Variants in CDK6 observed in about 807,000 individuals in gnomAD.
CDK6 encodes the protein cyclin-dependent kinase 6.
In CDK6, 6 loss-of-function variants were observed where a neutral mutation model predicts 37.1. The ratio of observed to expected loss-of-function variants is 0.16; its 90% confidence interval spans 0.09 to 0.32. The LOEUF (loss-of-function observed/expected upper bound fraction) is 0.32, where lower values mean the gene tolerates loss of function less well. CDK6 is among the 10% of genes least tolerant of loss of function. CDK6 has a pLI of 1.00. For synonymous variants in CDK6, 160 were observed against 161.3 expected (o/e 0.99, Z 0.06); for missense variants, 224 against 418.9 (o/e 0.53, Z 4.06).
rs1800941429 is a variant in CDK6, at chr7:92,813,440, G to T, written c.233+19651C>A. Among the ~76,000 whole-genome samples the T allele has an allele frequency of 2.6e-5, 4 of 152,116 alleles. No individual in the cohort carries two copies. The South Asian group carries it at 8.3e-4, about 32-fold the overall frequency. ...AATGAGTACATTCCCAACTCCTACT[G>T]CCAAGTTAAAATGAAAACGTTCTCA... On this transcript the variant is annotated intron_variant, in intron 2 of 7. Coordinates refer to ENST00000424848, the MANE Select transcript of CDK6 (RefSeq NM_001145306.2).
intron 2 of CDK6, among the ~76,000 whole-genome samples, chr7:92,830,349 A>G (rs980675323): frequency 6.6e-6 from 1 of 152,216 alleles, no homozygotes; most frequent in African/African-American, 2.4e-5. Context: ...GAAAAAACTA[A>G]TATGTTTATT....
intron 5 of CDK6, among the ~76,000 whole-genome samples, chr7:92,635,370 C>T (rs996903870): frequency 6.6e-6 from 1 of 152,150 alleles, no homozygotes; most frequent in Non-Finnish European, 1.5e-5. Context: ...AGATCCAGCT[C>T]TTAGTGCTGG....
chr7:92,824,270 C>CA (rs1315187822), intron 2 of CDK6, among the ~76,000 whole-genome samples: 1 of 151,902 alleles, frequency 6.6e-6, no homozygotes, highest in Admixed American at 6.6e-5. Context: ...ATAAGTCAGT[C>CA]ACGCCATAGG....
At chr7:92,663,950 A>C (rs527900060) in intron 5 of CDK6, among the ~76,000 whole-genome samples, 124 of 151,772 alleles carry the variant, frequency 8.2e-4, no homozygotes, top group African/African-American at 2.7e-3. Flanking sequence ...TCAGGAGATC[A>C]AGACCACGGT....
At chr7:92,758,368 A>G (rs1489635064) in intron 3 of CDK6, among the ~76,000 whole-genome samples, 1 of 152,178 alleles carries the variant, frequency 6.6e-6, no homozygotes, top group East Asian at 1.9e-4. Context: ...CAGTTATTCC[A>G]GCACCCTTTA....
At chr7:92,757,982 T>G (rs1247879673) in intron 3 of CDK6, among the ~76,000 whole-genome samples, 1 of 152,202 alleles carries the variant, frequency 6.6e-6, no homozygotes, top group African/African-American at 2.4e-5. Context: ...TCATATCCTT[T>G]GCCCACTTTT....
intron 2 of CDK6, among the ~76,000 whole-genome samples, chr7:92,786,763 A>T (rs116779933): frequency 0.019 from 2,861 of 151,102 alleles, 95 homozygotes; most frequent in African/African-American, 0.067. Flanking sequence ...GGCTCTTAAA[A>T]TAATGGTACT....
At chr7:92,623,902 T>C (rs1795865201) in intron 5 of CDK6, among the ~76,000 whole-genome samples, 1 of 152,162 alleles carries the variant, frequency 6.6e-6, no homozygotes, top group Admixed American at 6.6e-5. Context: ...CGTTCCCTGA[T>C]TCCTTCCTCA....
chr7:92,617,704 C>A (rs1489160511), intron 7 of CDK6, among the ~76,000 whole-genome samples: 2 of 152,130 alleles, frequency 1.3e-5, no homozygotes, highest in South Asian at 2.1e-4. Context: ...AGAAAAGGCA[C>A]GTTAAAATGA....
chr7:92,626,960 A>G (rs1353990542), intron 5 of CDK6, among the ~76,000 whole-genome samples: 2 of 152,118 alleles, frequency 1.3e-5, no homozygotes, highest in Non-Finnish European at 1.5e-5. Flanking sequence ...TGGCATACCT[A>G]TGTATATACC....
intron 2 of CDK6, among the ~76,000 whole-genome samples, chr7:92,812,828 C>A (rs1341111425): frequency 6.6e-6 from 1 of 152,188 alleles, no homozygotes; most frequent in African/African-American, 2.4e-5. Flanking sequence ...GTTTACCGTA[C>A]AGACATTAAC....
intron 4 of CDK6, among the ~76,000 whole-genome samples, chr7:92,697,331 C>A (rs1033434741): frequency 1.3e-5 from 2 of 152,154 alleles, no homozygotes; most frequent in Admixed American, 6.5e-5. Context: ...CAGAGCTGCA[C>A]AACAGAGAAG....
intron 5 of CDK6, among the ~76,000 whole-genome samples, chr7:92,625,193 G>A (rs1795896615): frequency 6.7e-6 from 1 of 149,490 alleles, no homozygotes; most frequent in South Asian, 2.1e-4. Context: ...CCAGCTTATA[G>A]CAGAGTTACA....
chr7:92,621,018 A>G (rs1235190954), intron 6 of CDK6, among the ~76,000 whole-genome samples: 1 of 152,252 alleles, frequency 6.6e-6, no homozygotes, highest in Non-Finnish European at 1.5e-5. Flanking sequence ...AAATTCTGAT[A>G]GGTCCATTAA....
intron 4 of CDK6, among the ~76,000 whole-genome samples, chr7:92,696,418 GAATT>G (rs3731329): frequency 0.016 from 2,418 of 152,230 alleles, 29 homozygotes; most frequent in Middle Eastern, 0.041. Flanking sequence ...CACGGGGAAA[GAATT>G]AATAATCTTT....
intron 2 of CDK6, among the ~76,000 whole-genome samples, chr7:92,824,024 T>C (rs1374282873): frequency 6.6e-6 from 1 of 152,036 alleles, no homozygotes; most frequent in Non-Finnish European, 1.5e-5. Context: ...GTTCCTAACA[T>C]TATACTTTGA....
intron 3 of CDK6, among the ~76,000 whole-genome samples, chr7:92,729,199 G>A (rs943117493): frequency 6.6e-6 from 1 of 152,118 alleles, no homozygotes; most frequent in Non-Finnish European, 1.5e-5. Flanking sequence ...CTTATGATCT[G>A]TTCTATCTCA....
At chr7:92,647,506 C>T (rs376667520) in intron 5 of CDK6, among the ~76,000 whole-genome samples, 1 of 152,038 alleles carries the variant, frequency 6.6e-6, no homozygotes, top group Non-Finnish European at 1.5e-5. Context: ...TTGAAGGGAC[C>T]GATATAACTG....
Position 92,711,059 on chromosome 7 carries a change from T to C in CDK6, c.537+14567A>G, listed in dbSNP as rs552796975. Reference sequence around the variant, plus strand: ...GCTGAAACCCTTTTGGAGAACAATTTGGCATTATCAAATTTTTGAATGTGC... The same window carrying C: ...GCTGAAACCCTTTTGGAGAACAATTCGGCATTATCAAATTTTTGAATGTGC... On this transcript the variant is annotated intron_variant, in intron 4 of 7. Coordinates refer to ENST00000424848, the MANE Select transcript of CDK6 (RefSeq NM_001145306.2). Among the ~76,000 whole-genome samples, 3 of 152,354 alleles carry C rather than the reference T, an allele frequency of 2.0e-5. No individual in the cohort carries two copies. In the South Asian group the frequency reaches 6.2e-4, roughly 32 times the overall value.
Sources: gnomAD v4.1 joint callset for allele counts (sites outside exome capture counted in the v4.1 genomes callset) on GRCh38, gnomAD v4.1.1 for gene constraint, MANE v1.5 for transcripts, NCBI Gene and HGNC (gene_info 2026-07-23, HGNC 2026-07-21) for gene names.